The following ANKS1B variants were observed in gnomAD, a reference collection of about 807,000 sequenced individuals.
ANKS1B encodes the protein ankyrin repeat and sterile alpha motif domain containing 1B.
Under a neutral mutation model 148.3 loss-of-function variants are expected in ANKS1B, and 36 were observed. The ratio of observed to expected loss-of-function variants is 0.24; its 90% CI spans 0.19 to 0.32. The LOEUF (loss-of-function observed/expected upper bound fraction) is 0.32, where lower values mean the gene tolerates loss of function less well. ANKS1B is among the 10% of genes least tolerant of loss of function. ANKS1B has a pLI of 1.00. For synonymous variants in ANKS1B, 542 were observed against 560.8 expected (o/e 0.97, Z 0.47); for missense variants, 1,157 against 1,542.6 (o/e 0.75, Z 4.19).
intron 9 of ANKS1B, among the ~76,000 whole-genome samples, chr12:99,563,866 A>G (rs1209807291): frequency 1.3e-5 from 2 of 152,164 alleles, no homozygotes; most frequent in Non-Finnish European, 2.9e-5. Context: ...CTCATAGACA[A>G]TATATTGTAC....
At position 99,183,734 on chromosome 12, in the gene ANKS1B, A is replaced by G. The variant is rs142937416; in HGVS notation, c.2420-29339T>C. On this transcript the variant is annotated intron_variant, in intron 14 of 26. Transcript: ENST00000683438. ...CAGGTTAAACAGATTTCTTTAATGT[A>G]GATCCCTGAGACTTTGACATACTAA... Among the ~76,000 whole-genome samples the G allele has an allele frequency of 1.2e-3, 181 of 152,340 alleles. 1 individual carries two copies. Among genetic ancestry groups the G allele is most frequent in the African/African-American group, 4.2e-3 (175 of 41,588 alleles).
intron 1 of ANKS1B, among the ~76,000 whole-genome samples, chr12:99,935,563 T>C (rs938285067): frequency 2.0e-5 from 3 of 152,048 alleles, no homozygotes; most frequent in African/African-American, 7.2e-5. Flanking sequence ...TTCATTTCCC[T>C]GCAGTTTTAA....
intron 16 of ANKS1B, among the ~76,000 whole-genome samples, chr12:99,066,983 C>T (rs142904318): frequency 6.6e-6 from 1 of 152,116 alleles, no homozygotes; most frequent in Non-Finnish European, 1.5e-5. Flanking sequence ...CCTGGAAAGA[C>T]TCTGCTCAGA....
At chr12:99,795,064 T>C (rs909370496) in intron 4 of ANKS1B, among the ~76,000 whole-genome samples, 2 of 151,704 alleles carry the variant, frequency 1.3e-5, no homozygotes, top group African/African-American at 2.4e-5. Context: ...ATATGAAAGA[T>C]AGAATAAAAT....
chr12:99,454,613 CATGGCAGGGAG>C (rs2095815929), intron 10 of ANKS1B, among the ~76,000 whole-genome samples: 1 of 152,214 alleles, frequency 6.6e-6, no homozygotes, highest in Non-Finnish European at 1.5e-5. Flanking sequence ...TTTCTCAACC[CATGGCAGGGAG>C]ATGGTCTTTT....
In ANKS1B at chr12:99,416,825, A is replaced by T. The variant is rs2152696584; in HGVS notation, c.1576-17014T>A. Reference sequence around the variant, plus strand: ...TCATCTTCTTAATAGGGTTTTTCACAGAGCAAAAGTTTTTAACTTTAATGA... The same window carrying T: ...TCATCTTCTTAATAGGGTTTTTCACTGAGCAAAAGTTTTTAACTTTAATGA... On this transcript the variant is annotated intron_variant, in intron 11 of 26. Coordinates refer to ENST00000683438, the MANE Select transcript of ANKS1B (RefSeq NM_001352186.2). Among the ~76,000 whole-genome samples the T allele has an allele frequency of 2.0e-5, 3 of 152,266 alleles. No individual in the cohort carries two copies. The South Asian group carries it at 6.2e-4, about 32-fold the overall frequency.
chr12:98,907,911 T>C (rs1270456514), intron 17 of ANKS1B, among the ~76,000 whole-genome samples: 1 of 152,236 alleles, frequency 6.6e-6, no homozygotes, highest in African/African-American at 2.4e-5. Context: ...GTGCCTTTGC[T>C]TCTCCTTTGC....
intron 9 of ANKS1B, among the ~76,000 whole-genome samples, chr12:99,543,772 G>A (rs372347594): frequency 4.6e-5 from 7 of 152,142 alleles, no homozygotes; most frequent in African/African-American, 1.7e-4. Context: ...CATATTACAC[G>A]ATTTCATTTA....
intron 1 of ANKS1B, among the ~76,000 whole-genome samples, chr12:99,950,906 C>T (rs767130581): frequency 6.6e-6 from 1 of 152,160 alleles, no homozygotes; most frequent in Non-Finnish European, 1.5e-5. Flanking sequence ...GCTCATCCTC[C>T]AGAAGCTTTC....
intron 10 of ANKS1B, among the ~76,000 whole-genome samples, chr12:99,466,164 T>C (rs921253409): frequency 6.6e-6 from 1 of 152,134 alleles, no homozygotes; most frequent in South Asian, 2.1e-4. Flanking sequence ...ACATGGAAAC[T>C]GAACAAACTG....
At chr12:99,735,847 C>T (rs1352202301) in intron 8 of ANKS1B, among the ~76,000 whole-genome samples, 1 of 136,378 alleles carries the variant, frequency 7.3e-6, no homozygotes, top group Non-Finnish European at 1.6e-5. Flanking sequence ...AGGACATAGA[C>T]ACAAGAATCT....
intron 1 of ANKS1B, among the ~76,000 whole-genome samples, chr12:99,896,839 T>C (rs1328388344): frequency 6.6e-6 from 1 of 151,342 alleles, no homozygotes; most frequent in Non-Finnish European, 1.5e-5. Flanking sequence ...AATTCATTTA[T>C]TAATAGTCCC....
At chr12:99,921,201 T>C (rs1051644851) in intron 1 of ANKS1B, among the ~76,000 whole-genome samples, 13 of 152,172 alleles carry the variant, frequency 8.5e-5, no homozygotes, top group Admixed American at 3.9e-4. Flanking sequence ...AGGAAGGTGA[T>C]TGGATCATGG....
chr12:99,192,130 T>G (rs557981194), intron 14 of ANKS1B, among the ~76,000 whole-genome samples: 73 of 9,256 alleles, frequency 7.9e-3, no homozygotes, highest in Non-Finnish European at 0.01. Context: ...AGACTCCATC[T>G]CAAAAAAAAA....
intron 2 of ANKS1B, among the ~76,000 whole-genome samples, chr12:99,820,381 G>C (rs2082363187): frequency 6.6e-6 from 1 of 151,902 alleles, no homozygotes; most frequent in African/African-American, 2.4e-5. Flanking sequence ...ATTTTATGTT[G>C]GGGGTAGGGG....
chr12:99,011,589 A>G (rs764929181), intron 17 of ANKS1B, among the ~76,000 whole-genome samples: 7 of 152,232 alleles, frequency 4.6e-5, no homozygotes, highest in Non-Finnish European at 7.3e-5. Flanking sequence ...TGCACTGTCA[A>G]TAGCCAAGAA....
intron 1 of ANKS1B, among the ~76,000 whole-genome samples, chr12:99,969,328 G>A (rs1349184742): frequency 1.3e-5 from 2 of 152,022 alleles, no homozygotes; most frequent in Admixed American, 1.3e-4. Flanking sequence ...ATAGGTATGC[G>A]CTACCACACC....
At chr12:99,543,214 A>T (rs1445408872) in intron 9 of ANKS1B, among the ~76,000 whole-genome samples, 1 of 152,116 alleles carries the variant, frequency 6.6e-6, no homozygotes, top group Admixed American at 6.6e-5. Flanking sequence ...CAATAAGCAC[A>T]TAAAAATACT....
intron 11 of ANKS1B, among the ~76,000 whole-genome samples, chr12:99,409,163 G>A (rs1009456568): frequency 1.1e-4 from 16 of 152,184 alleles, no homozygotes; most frequent in African/African-American, 3.6e-4. Context: ...CATACTATTC[G>A]GCTATAAAAA....
Sources: gnomAD v4.1 joint callset for allele counts (sites outside exome capture counted in the v4.1 genomes callset) on GRCh38, gnomAD v4.1.1 for gene constraint, MANE v1.5 for transcripts, NCBI Gene and HGNC (gene_info 2026-07-23, HGNC 2026-07-21) for gene names.